CWH43: variants seen among roughly 807,000 people sequenced by gnomAD.
CWH43 encodes the protein cell wall biogenesis 43 C-terminal homolog, also known as PGAP2-interacting protein.
A neutral mutation model predicts 85.7 loss-of-function variants in CWH43; 91 were observed. The observed-to-expected ratio is 1.06, with a 90% CI of 0.90 to 1.26. CWH43 has a LOEUF of 1.26. Ranked by LOEUF, CWH43 falls within the 50% of genes most tolerant of loss-of-function variation. CWH43 has a pLI of 0.00. For missense variants in CWH43, 869 were observed against 839.2 expected (o/e 1.04, Z -0.44); for synonymous variants, 323 against 293.6 (o/e 1.10, Z -1.02).
chr4:48,994,410 T>C (rs1332423107), intron 4 of CWH43, among the ~76,000 whole-genome samples: 1 of 152,186 alleles, frequency 6.6e-6, no homozygotes, highest in Non-Finnish European at 1.5e-5. Context: ...CTTAAACCAT[T>C]CCTTATCTGG....
At chr4:49,020,588 T>G (rs1034624446) in intron 9 of CWH43, among the ~76,000 whole-genome samples, 42 of 152,302 alleles carry the variant, frequency 2.8e-4, no homozygotes, top group African/African-American at 9.9e-4. Context: ...GTGTGATTGC[T>G]GGATCAAATT....
chr4:49,017,436 C>CT (rs1247294945), intron 9 of CWH43, 108 bp downstream of exon 9: 11 of 718,906 alleles, frequency 1.5e-5, no homozygotes, highest in Admixed American at 5.5e-5. Flanking sequence ...CTTCAGAGCC[C>CT]TGGGCCCTAT....
chr4:49,001,952 A>G (rs1413737774), intron 6 of CWH43, among the ~76,000 whole-genome samples: 1 of 152,160 alleles, frequency 6.6e-6, no homozygotes, highest in Non-Finnish European at 1.5e-5. Flanking sequence ...TTAATTTGGT[A>G]AAGATTTTTG....
chr4:49,060,336 A>G (rs1785111139), intron 15 of CWH43, among the ~76,000 whole-genome samples: 1 of 151,890 alleles, frequency 6.6e-6, no homozygotes, highest in Non-Finnish European at 1.5e-5. Flanking sequence ...CTGGCCTGGA[A>G]TCTGGGGCTT....
chr4:49,031,870 C>T (rs1784110471), intron 11 of CWH43, among the ~76,000 whole-genome samples: 1 of 152,076 alleles, frequency 6.6e-6, no homozygotes, highest in South Asian at 2.1e-4. Context: ...GAGATGATAC[C>T]CTTTAATGGA....
At chr4:48,993,986 T>C (rs1417447534) in intron 4 of CWH43, among the ~76,000 whole-genome samples, 1 of 152,034 alleles carries the variant, frequency 6.6e-6, no homozygotes, top group African/African-American at 2.4e-5. Context: ...GGTTTCAAAC[T>C]CCTGACCTCA....
At chr4:48,997,481 A>C (rs780561101) in intron 5 of CWH43, among the ~76,000 whole-genome samples, 1 of 152,228 alleles carries the variant, frequency 6.6e-6, no homozygotes, top group Non-Finnish European at 1.5e-5. Context: ...AGCCTGGCAC[A>C]TAGTGGGCAC....
intron 5 of CWH43, 55 bp from the exon 6 acceptor site, chr4:48,998,405 G>C: frequency 1.4e-5 from 18 of 1,305,552 alleles, no homozygotes; most frequent in Non-Finnish European, 2.0e-5. Context: ...TTTTATATTC[G>C]GGATGATGAA....
chr4:49,010,499 A>G (rs1386910949), intron 8 of CWH43, among the ~76,000 whole-genome samples: 1 of 151,638 alleles, frequency 6.6e-6, no homozygotes, highest in African/African-American at 2.4e-5. Context: ...GATCTTAGTT[A>G]TTTCTTGCCT....
chr4:49,029,598 C>T (rs916711348), intron 10 of CWH43, among the ~76,000 whole-genome samples: 14 of 152,188 alleles, frequency 9.2e-5, no homozygotes, highest in African/African-American at 3.4e-4. Flanking sequence ...CCTCCATCTC[C>T]TGCATGTCCC....
At chr4:48,999,914 G>A (rs1782935321) in intron 6 of CWH43, among the ~76,000 whole-genome samples, 1 of 152,048 alleles carries the variant, frequency 6.6e-6, no homozygotes. Context: ...CATGTTTTGG[G>A]CTGCCCTCTT....
chr4:49,039,384 T>TTG (rs1784381207), intron 13 of CWH43, among the ~76,000 whole-genome samples: 1 of 133,306 alleles, frequency 7.5e-6, no homozygotes, highest in Non-Finnish European at 1.6e-5. Flanking sequence ...TATATACTGA[T>TTG]ATATATATAC....
chr4:49,000,655 AG>A (rs2109756408), intron 6 of CWH43, among the ~76,000 whole-genome samples: 1 of 152,354 alleles, frequency 6.6e-6, no homozygotes, highest in East Asian at 1.9e-4. Context: ...CTTATTGGGC[AG>A]GTAGTTAACA....
intron 15 of CWH43, among the ~76,000 whole-genome samples, chr4:49,055,634 T>C (rs1577716665): frequency 6.6e-6 from 1 of 151,714 alleles, no homozygotes; most frequent in East Asian, 1.9e-4. Context: ...TTGTCACCCA[T>C]GCTGGAATGC....
intron 1 of CWH43, 26 bp downstream of exon 1, chr4:48,986,498 T>G: frequency 6.4e-7 from 1 of 1,551,186 alleles, no homozygotes; most frequent in South Asian, 1.2e-5. Context: ...TCGCCGCGAG[T>G]TCGCGGGTGC....
Position 49,021,999 on chromosome 4 carries a change from C to A in CWH43, c.1266+4671C>A, listed in dbSNP as rs145690241. The stretch of plus-strand genomic sequence containing the variant: ...GGTATACCATTATGTCATCTGCAAA[C>A]AGCGACAATTTGACTTCCTCTTTAT... On this transcript the variant is annotated intron_variant, in intron 9 of 15. Coordinates refer to ENST00000226432, the MANE Select transcript of CWH43 (RefSeq NM_025087.3). Among the ~76,000 whole-genome samples, 632 of 152,216 alleles carry A rather than the reference C, an allele frequency of 4.2e-3. 7 individuals carry two copies. The highest frequency in any genetic ancestry group is 0.014 in the African/African-American group (600 of 41,542).
chr4:48,986,958 C>T (rs1270290428), intron 1 of CWH43, among the ~76,000 whole-genome samples: 1 of 152,210 alleles, frequency 6.6e-6, no homozygotes, highest in East Asian at 1.9e-4. Context: ...GCCTTGGTGT[C>T]GGCTGCACAC....
chr4:49,001,106 A>G (rs1450488965), intron 6 of CWH43, among the ~76,000 whole-genome samples: 3 of 152,178 alleles, frequency 2.0e-5, no homozygotes, highest in Admixed American at 2.0e-4. Flanking sequence ...CTCAGCATGA[A>G]ATTAATTATG....
chr4:49,000,016 G>A (rs1439977937), intron 6 of CWH43, among the ~76,000 whole-genome samples: 3 of 151,892 alleles, frequency 2.0e-5, no homozygotes, highest in Non-Finnish European at 2.9e-5. Context: ...CCCTTAAAAG[G>A]CAATATTTAA....
Sources: gnomAD v4.1 joint callset for allele counts (sites outside exome capture counted in the v4.1 genomes callset) on GRCh38, gnomAD v4.1.1 for gene constraint, MANE v1.5 for transcripts, NCBI Gene and HGNC (gene_info 2026-07-23, HGNC 2026-07-21) for gene names.